The following TRIM51 variants were observed in gnomAD, a reference collection of about 807,000 sequenced individuals.
TRIM51 encodes the protein tripartite motif-containing protein 51.
TRIM51 carries 23 observed loss-of-function variants against 32.7 expected under a neutral mutation model. That is an observed-to-expected ratio of 0.70 (90% CI 0.51 to 1.00). TRIM51 has a LOEUF of 1.00. TRIM51 is among the 50% of genes least tolerant of loss of function. The pLI is 0.00. For synonymous variants in TRIM51, 177 were observed against 181.9 expected (o/e 0.97, Z 0.22); for missense variants, 592 against 539.2 (o/e 1.10, Z -0.97).
chr11:55,891,565 T>G lies in TRIM51; in HGVS notation c.1292T>G (p.Ile431Arg). Residue 431 changes from isoleucine (I) to arginine (R), a missense_variant, in exon 7 of 7, where the codon ATA (isoleucine) becomes AGA (arginine). Physicochemically the swap from Ile to Arg is moderately conservative, Grantham distance 97. Transcript: ENST00000449290. ...GTTGATGTTGATCAAAGTTCCCTGA[T>G]ATACACCATCCCCAATTGCTCCTTC... Reference protein sequence around the residue: ...SFVDVDQSSLIYTIPNCSFSP... With the variant: ...SFVDVDQSSLRYTIPNCSFSP... 1.2e-6 allele frequency: 2 copies of G among 1,613,612 alleles called. No homozygotes were observed. Among genetic ancestry groups the G allele is most frequent in the Non-Finnish European group, 1.7e-6 (2 of 1,179,702 alleles).
rs753746416 is a variant in TRIM51 at position 55,891,611 on chromosome 11, C to G, written c.1338C>G (p.Ile446Met). Residue 446 changes from isoleucine to methionine, a missense_variant, in exon 7 of 7, where the codon ATC (isoleucine) becomes ATG (methionine). Physicochemically the swap from Ile to Met is conservative, Grantham distance 10. Coordinates refer to ENST00000449290, the MANE Select transcript of TRIM51 (RefSeq NM_032681.4). ...NCSFSPPLRP[I>M]FCCSHF is the part of the protein sequence containing the mutation. The stretch of plus-strand genomic sequence containing the variant: ...CCTTCTCACCTCCTCTCAGGCCTAT[C>G]TTTTGCTGTAGTCACTTCTGACCAG... 7.4e-5 allele frequency: 119 copies of G among 1,613,258 alleles called. No individual in the cohort carries two copies. The highest frequency in any genetic ancestry group is 9.8e-5 in the Non-Finnish European group (116 of 1,179,624).
At chr11:55,884,492 G>A (rs1427193154) in intron 1 of TRIM51, among the ~76,000 whole-genome samples, 1 of 151,840 alleles carries the variant, frequency 6.6e-6, no homozygotes, top group Non-Finnish European at 1.5e-5. Context: ...TATCCTGGCT[G>A]AGTTAGAATC....
chr11:55,888,391 G>C (rs867666575), intron 4 of TRIM51, 129 bp downstream of exon 4: 3 of 776,168 alleles, frequency 3.9e-6, no homozygotes, highest in Admixed American at 2.0e-5. Flanking sequence ...CATAACTAAT[G>C]CTACTTGGTT....
chr11:55,891,505 T>C lies in TRIM51; in HGVS notation c.1232T>C (p.Leu411Ser). 2.5e-6 allele frequency: 4 copies of C among 1,613,614 alleles called. No homozygotes were observed. Among genetic ancestry groups the C allele is most frequent in the Non-Finnish European group, 3.4e-6 (4 of 1,179,734 alleles). The change falls in exon 7 of 7, where the codon TTA (leucine) becomes TCA (serine). Residue 411 changes from leucine (L) to serine (S), a missense_variant. By Grantham distance (145) the Leu-to-Ser change is moderately radical (BLOSUM62 -2). Transcript: ENST00000449290. ...CCAAGACCTACCAGCACAGTAGGAT[T>C]ATTCCTGGATTGTGAAGGTAGAACC... ...YVPRPTSTVG[L>S]FLDCEGRTVS...
intron 3 of TRIM51, among the ~76,000 whole-genome samples, chr11:55,886,931 G>C (rs1282358139): frequency 2.6e-5 from 4 of 151,974 alleles, no homozygotes; most frequent in Non-Finnish European, 4.4e-5. Context: ...TCATTGAAAG[G>C]TATTTTATGA....
intron 1 of TRIM51, 145 bp downstream of exon 1, chr11:55,883,529 T>C (rs1345314488): frequency 1.3e-5 from 2 of 152,220 alleles, no homozygotes; most frequent in Non-Finnish European, 2.9e-5. Context: ...GACATGAGGT[T>C]ATGACATGAG....
At position 55,891,140 on chromosome 11, in the gene TRIM51, T is replaced by A. The variant is rs772599880; in HGVS notation, c.867T>A (p.Phe289Leu). ...LDSLSGFRVD[F>L]TLQPERANSH... is the part of the protein sequence containing the mutation. ...TAAAAATTATTTTTGCAGTTGATTT[T>A]ACTCTGCAGCCTGAAAGAGCCAATA... The change falls in exon 7 of 7, where the codon TTT becomes TTA. Residue 289 changes from phenylalanine (F) to leucine (L), a missense_variant. Phe to Leu is a conservative substitution (Grantham distance 22). Coordinates refer to ENST00000449290, the MANE Select transcript of TRIM51 (RefSeq NM_032681.4). 1.3e-6 allele frequency: 2 copies of A among 1,597,104 alleles called. No individual in the cohort carries two copies. The highest frequency in any genetic ancestry group is 2.7e-5 in the African/African-American group (2 of 74,690).
chr11:55,886,966 A>G lies in TRIM51; in HGVS notation c.507+748A>G, dbSNP rs536712529. 1.2e-4 allele frequency among the ~76,000 whole-genome samples: 18 copies of G among 152,246 alleles called. No individual in the cohort carries two copies. The South Asian group carries it at 3.5e-3, about 30-fold the overall frequency. ...AGTACCTAGCCTATGTCAAATATCA[A>G]CTTAGAAAATTAAGGTGTAAAGAAG... On this transcript the variant is annotated intron_variant, in intron 3 of 6. Transcript: ENST00000449290.
chr11:55,885,686 T>G lies in TRIM51; in HGVS notation c.258T>G (p.Leu86=). 1 of 1,611,384 alleles carries G rather than the reference T, an allele frequency of 6.2e-7. No homozygotes were observed. The highest frequency in any genetic ancestry group is 8.5e-7 in the Non-Finnish European group (1 of 1,179,522). Residue 86 remains leucine, a synonymous_variant, in exon 2 of 7, where the codon CTT becomes CTG. Coordinates refer to ENST00000449290, the MANE Select transcript of TRIM51 (RefSeq NM_032681.4). ...IARKASLRQF[L]SSEEQICGMH... Reference sequence around the variant, plus strand: ...GAAAAGCCAGCCTCCGGCAATTCCTTAGCTCTGAGGAGCAAATATGTGGGA... The same window carrying G: ...GAAAAGCCAGCCTCCGGCAATTCCTGAGCTCTGAGGAGCAAATATGTGGGA...
At chr11:55,886,570 C>T (rs1489286094) in intron 3 of TRIM51, among the ~76,000 whole-genome samples, 2 of 152,244 alleles carry the variant, frequency 1.3e-5, no homozygotes, top group South Asian at 4.1e-4. Flanking sequence ...TCAGGTGACC[C>T]TTCTAAGGCT....
chr11:55,891,721 A>G lies in TRIM51; in HGVS notation c.*89A>G. On this transcript the variant is annotated 3_prime_UTR_variant, in exon 7 of 7. Coordinates refer to ENST00000449290, the MANE Select transcript of TRIM51 (RefSeq NM_032681.4). ...TTTTCGCACCTCATCAAACAGAACA[A>G]ATAAGTTATATTTAATGTCTTTAGT... 7.0e-7 allele frequency: 1 copy of G among 1,425,132 alleles called. No individual in the cohort carries two copies. Among genetic ancestry groups the G allele is most frequent in the Non-Finnish European group, 9.6e-7 (1 of 1,041,216 alleles). 88.3% of individuals were successfully genotyped at this position (1,425,132 alleles called of 1,614,324 possible).
At chr11:55,888,310 G>A (rs758444425) in intron 4 of TRIM51, 48 bp downstream of exon 4, 1 of 1,429,584 alleles carries the variant, frequency 7.0e-7, no homozygotes, top group East Asian at 2.3e-5. Flanking sequence ...TCACATACAT[G>A]GGTGTTTTTC....
intron 6 of TRIM51, among the ~76,000 whole-genome samples, chr11:55,890,734 T>C (rs1313432511): frequency 1.3e-5 from 2 of 152,168 alleles, no homozygotes; most frequent in African/African-American, 4.8e-5. Context: ...GAGCGGTGCT[T>C]GAGTAAGCTA....
intron 6 of TRIM51, 135 bp from the exon 7 acceptor site, chr11:55,890,998 G>A (rs1382763723): frequency 1.4e-5 from 9 of 631,470 alleles, no homozygotes; most frequent in Admixed American, 8.9e-5. Context: ...ATTAAATGTT[G>A]TAGTCACAAT....
At position 55,891,316 on chromosome 11, in the gene TRIM51, G is replaced by C. The variant is rs753444898; in HGVS notation, c.1043G>C (p.Gly348Ala). 1 of 1,611,664 alleles carries C rather than the reference G, an allele frequency of 6.2e-7. No homozygotes were observed. The change falls in exon 7 of 7, where the codon GGG becomes GCG. Residue 348 changes from glycine to alanine, a missense_variant. By Grantham distance (60) the Gly-to-Ala change is moderately conservative (BLOSUM62 0). Coordinates refer to ENST00000449290, the MANE Select transcript of TRIM51 (RefSeq NM_032681.4). ...SGKYYWEVHMGDSWNWAFGVC... is the reference protein window; with the variant it reads ...SGKYYWEVHMADSWNWAFGVC... ...AAATATTATTGGGAGGTTCATATGG[G>C]GGACTCTTGGAATTGGGCTTTTGGT...
chr11:55,885,791 C>T lies in TRIM51; in HGVS notation c.363C>T (p.His121=), dbSNP rs372652734. 23 of 1,611,642 alleles carry T rather than the reference C, an allele frequency of 1.4e-5. No individual in the cohort carries two copies. The highest frequency in any genetic ancestry group is 4.0e-5 in the African/African-American group (3 of 74,820). The change falls in exon 2 of 7, where the codon CAC becomes CAT. Residue 121 remains histidine, a synonymous_variant. Coordinates refer to ENST00000449290, the MANE Select transcript of TRIM51 (RefSeq NM_032681.4). ...LCLPCSNSQE[H]RNHIHCPIEW... ...TGCCGTGCTCCAACTCTCAGGAGCA[C>T]CGGAATCACATACACTGTCCCATTG... is the stretch of plus-strand genomic sequence containing the variant.
chr11:55,888,110 C>A lies in TRIM51; in HGVS notation c.586C>A (p.His196Asn). Residue 196 changes from histidine (H) to asparagine (N), a missense_variant, in exon 4 of 7, where the codon CAT (histidine) becomes AAT (asparagine). His to Asn is a moderately conservative substitution (Grantham distance 68). Transcript: ENST00000449290. Reference sequence around the variant, plus strand: ...TGCATTTCTCCATGAAGAAGAGCAACATCACTTGGAAAGGCTGCGAAAGGA... The same window carrying A: ...TGCATTTCTCCATGAAGAAGAGCAAAATCACTTGGAAAGGCTGCGAAAGGA... Reference protein sequence around the residue: ...MPAFLHEEEQHHLERLRKEGE... With the variant: ...MPAFLHEEEQNHLERLRKEGE... 1 of 1,613,634 alleles carries A rather than the reference C, an allele frequency of 6.2e-7. No individual in the cohort carries two copies. The highest frequency in any genetic ancestry group is 1.1e-5 in the South Asian group (1 of 91,074).
intron 3 of TRIM51, among the ~76,000 whole-genome samples, 161 bp from the exon 4 acceptor site, chr11:55,887,871 A>G (rs1854596669): frequency 6.7e-6 from 1 of 150,192 alleles, no homozygotes; most frequent in African/African-American, 2.4e-5. Flanking sequence ...CTATGTTGAT[A>G]TTAGTACAGA....
intron 1 of TRIM51, among the ~76,000 whole-genome samples, chr11:55,884,157 C>CTATATATATATATATATATAGATATA (rs1854542963): frequency 1.6e-5 from 1 of 61,546 alleles, no homozygotes; most frequent in Non-Finnish European, 3.3e-5. Context: ...ATAACTATAA[C>CTATATATATATATATATATAGATATA]TATATATATA....
Sources: allele counts gnomAD v4.1 joint callset (sites outside exome capture counted in the v4.1 genomes callset), GRCh38; gene constraint gnomAD v4.1.1; transcripts MANE v1.5; gene names NCBI Gene and HGNC (gene_info 2026-07-23, HGNC 2026-07-21).